Variants in ASXL1 observed in about 807,000 individuals in gnomAD.
ASXL1 encodes the protein ASXL transcriptional regulator 1.
In ASXL1, 65 loss-of-function variants were observed where a neutral mutation model predicts 89.1. That is an observed-to-expected ratio of 0.73 (90% CI 0.60 to 0.90). The LOEUF (loss-of-function observed/expected upper bound fraction) is 0.90, where lower values mean the gene tolerates loss of function less well. Ranked by LOEUF, ASXL1 falls within the 40% of genes least tolerant of loss-of-function variation. ASXL1 has a pLI of 0.00. For synonymous variants in ASXL1, 739 were observed against 746.9 expected (o/e 0.99, Z 0.17); for missense variants, 1,786 against 1,942.9 (o/e 0.92, Z 1.52).
rs143594461 is a variant in ASXL1, at chr20:32,366,459, G to C, written c.133G>C (p.Glu45Gln). ...LQVIEAEGLK[E>Q]MRSGTSPLAC... ...GGTCATAGAGGCAGAAGGACTAAAG[G>C]AAATGAGGTTTGTATTGTTCTTGTT... Residue 45 changes from glutamate (E) to glutamine (Q), a missense_variant, in exon 2 of 13, where the codon GAA (glutamate) becomes CAA (glutamine). By Grantham distance (29) the Glu-to-Gln change is conservative. Around this residue, in one of 3 missense-constraint regions of ASXL1, gnomAD observed 332 missense variants for 449.7 expected, o/e 0.74. Coordinates refer to ENST00000375687, the MANE Select transcript of ASXL1 (RefSeq NM_015338.6). The C allele has an allele frequency of 6.2e-7, 1 of 1,613,754 alleles. No homozygotes were observed. The highest frequency in any genetic ancestry group is 8.5e-7 in the Non-Finnish European group (1 of 1,179,778).
rs2048114082 is a variant in ASXL1 at position 32,361,685 on chromosome 20, T to C, written c.57+2853T>C. On this transcript the variant is annotated intron_variant, in intron 1 of 12. Coordinates refer to ENST00000375687, the MANE Select transcript of ASXL1 (RefSeq NM_015338.6). ...AAAAGGACTTGTTGAGAATGTGATA[T>C]GCAATTTGAGTATCTTGTGTGTGTT... Among the ~76,000 whole-genome samples the C allele has an allele frequency of 4.0e-5, 6 of 151,722 alleles. No individual in the cohort carries two copies. In the South Asian group the frequency reaches 1.2e-3, roughly 32 times the overall value.
At chr20:32,376,085 G>A (rs1227810823) in intron 4 of ASXL1, among the ~76,000 whole-genome samples, 1 of 152,152 alleles carries the variant, frequency 6.6e-6, no homozygotes, top group Admixed American at 6.6e-5. Flanking sequence ...ATGCCAGACA[G>A]TAGTCATGTC....
chr20:32,398,023 T>C (rs1475949266), intron 4 of ASXL1, among the ~76,000 whole-genome samples: 1 of 152,234 alleles, frequency 6.6e-6, no homozygotes, highest in Non-Finnish European at 1.5e-5. Flanking sequence ...TACGTATAGA[T>C]CGGTTCGTTT....
chr20:32,431,534 C>G (rs775465769), intron 9 of ASXL1, 49 bp from the exon 10 acceptor site: 3 of 1,614,052 alleles, frequency 1.9e-6, no homozygotes, highest in Admixed American at 1.7e-5. Context: ...GGCTTCTGTT[C>G]TCTTTTAAGT....
chr20:32,367,801 T>C, intron 3 of ASXL1, 72 bp downstream of exon 3: 1 of 778,978 alleles, frequency 1.3e-6, no homozygotes, highest in Middle Eastern at 2.3e-4. Flanking sequence ...CTTAGAGGAA[T>C]TATGAAGCAG....
chr20:32,401,559 CCCT>C (rs2048874968), intron 4 of ASXL1, among the ~76,000 whole-genome samples: 1 of 142,338 alleles, frequency 7.0e-6, no homozygotes, highest in African/African-American at 2.8e-5. Flanking sequence ...TTCCCCCCCC[CCCT>C]TTTTTTTTTT....
chr20:32,431,520 G>A (rs776873388), intron 9 of ASXL1, 36 bp downstream of exon 9: 1 of 1,613,960 alleles, frequency 6.2e-7, no homozygotes, highest in South Asian at 1.1e-5. Context: ...CCTCTCTCTG[G>A]GTGGGCTTCT....
Position 32,428,163 on chromosome 20 carries a change from A to G in ASXL1, c.288A>G (p.Thr96=). The change falls in exon 5 of 13, where the codon ACA becomes ACG. Residue 96 remains threonine (T), a synonymous_variant. Coordinates refer to ENST00000375687, the MANE Select transcript of ASXL1 (RefSeq NM_015338.6). ...DALQWSRHPA[T]VEGEEPEDTA... ...TGCAGTGGTCTCGCCATCCAGCTAC[A>G]GTGGAGGGAGAGGAGCCAGAGGACA... 6.2e-7 allele frequency: 1 copy of G among 1,613,942 alleles called. No homozygotes were observed. Among genetic ancestry groups the G allele is most frequent in the Non-Finnish European group, 8.5e-7 (1 of 1,180,018 alleles).
chr20:32,436,890 T>A lies in ASXL1; in HGVS notation c.4178T>A (p.Leu1393Gln). The A allele has an allele frequency of 6.2e-7, 1 of 1,614,228 alleles. No homozygotes were observed. The highest frequency in any genetic ancestry group is 1.1e-5 in the South Asian group (1 of 91,088). The change falls in exon 13 of 13, where the codon CTG (leucine) becomes CAG (glutamine). Residue 1393 changes from leucine to glutamine, a missense_variant. Leu to Gln is a moderately radical substitution (Grantham distance 113). Around this residue, in one of 3 missense-constraint regions of ASXL1, gnomAD observed 1,418 missense variants for 1,427.8 expected, o/e 0.99. Transcript: ENST00000375687. ...AGGAAAGCTACTGGGCATAGTCCCC[T>A]GGAACTGGTGGGTCACTTGGAAGGG... Reference protein sequence around the residue: ...ENRKATGHSPLELVGHLEGMP... With the variant: ...ENRKATGHSPQELVGHLEGMP...
chr20:32,373,143 G>A (rs903116587), intron 4 of ASXL1, among the ~76,000 whole-genome samples: 24 of 151,408 alleles, frequency 1.6e-4, no homozygotes, highest in Admixed American at 4.6e-4. Flanking sequence ...TTGGGAGGCC[G>A]AGGTGGGTGA....
At chr20:32,420,214 G>A (rs2049217519) in intron 4 of ASXL1, among the ~76,000 whole-genome samples, 1 of 152,006 alleles carries the variant, frequency 6.6e-6, no homozygotes, top group East Asian at 1.9e-4. Context: ...GTATACTGTT[G>A]AATGGTTGGT....
intron 1 of ASXL1, chr20:32,359,134 T>C: frequency 1.6e-6 from 1 of 623,768 alleles, no homozygotes; most frequent in Non-Finnish European, 2.9e-6. Flanking sequence ...CCGCGTCCCC[T>C]CCCCCACTAT....
intron 4 of ASXL1, among the ~76,000 whole-genome samples, chr20:32,402,717 A>G (rs746505448): frequency 1.1e-4 from 17 of 152,182 alleles, no homozygotes; most frequent in Admixed American, 2.0e-4. Flanking sequence ...ATGATGTTGA[A>G]TATCTTTTCA....
At chr20:32,378,844 T>C (rs1273893774) in intron 4 of ASXL1, among the ~76,000 whole-genome samples, 1 of 151,650 alleles carries the variant, frequency 6.6e-6, no homozygotes, top group Non-Finnish European at 1.5e-5. Context: ...TATAGTTAAA[T>C]AGGCCAGGCT....
chr20:32,397,615 G>C (rs1017073356), intron 4 of ASXL1, among the ~76,000 whole-genome samples: 1 of 151,992 alleles, frequency 6.6e-6, no homozygotes, highest in Non-Finnish European at 1.5e-5. Flanking sequence ...GGCCAGGCTG[G>C]TGAACTCCTG....
chr20:32,379,453 C>T (rs1016221904), intron 4 of ASXL1, among the ~76,000 whole-genome samples: 4 of 151,400 alleles, frequency 2.6e-5, no homozygotes, highest in African/African-American at 9.7e-5. Flanking sequence ...TGTGATCCAC[C>T]TGCCTTGGCC....
Position 32,436,991 on chromosome 20 carries a change from C to G in ASXL1, c.4279C>G (p.Pro1427Ala). 6.2e-7 allele frequency: 1 copy of G among 1,614,042 alleles called. No homozygotes were observed. Among genetic ancestry groups the G allele is most frequent in the Non-Finnish European group, 8.5e-7 (1 of 1,180,006 alleles). ...GAAGGGGCTCAGTGAGCCTCTGGAG[C>G]CTTCTTCTCTCCCCTCCCAACTCAG... ...PGKGLSEPLE[P>A]SSLPSQLSIK... The change falls in exon 13 of 13, where the codon CCT becomes GCT. Residue 1427 changes from proline to alanine, a missense_variant. Transcript: ENST00000375687.
rs894754780 is a variant in ASXL1 at position 32,435,520 on chromosome 20, C to A, written c.2808C>A (p.Thr936=). 1.2e-6 allele frequency: 2 copies of A among 1,613,986 alleles called. No individual in the cohort carries two copies. The highest frequency in any genetic ancestry group is 1.7e-6 in the Non-Finnish European group (2 of 1,180,018). The stretch of plus-strand genomic sequence containing the variant: ...AGGAGTGGGAGAAAGCTGCTCCCAC[C>A]CCTCCTGCATTGCCTGGGGATTTGA... ...VGEEWEKAAP[T]PPALPGDLTA... is the part of the protein sequence containing the mutation. Residue 936 remains threonine (T), a synonymous_variant, in exon 13 of 13, where the codon ACC becomes ACA. Transcript: ENST00000375687.
intron 4 of ASXL1, among the ~76,000 whole-genome samples, chr20:32,397,870 G>A (rs1465850604): frequency 6.6e-6 from 1 of 152,214 alleles, no homozygotes; most frequent in African/African-American, 2.4e-5. Flanking sequence ...AAGTGCCTTG[G>A]CTCACGCCTG....
Sources: gnomAD v4.1 joint callset for allele counts (sites outside exome capture counted in the v4.1 genomes callset) on GRCh38, gnomAD v4.1.1 for gene constraint, gnomAD v4.1.1 regional missense constraint, MANE v1.5 for transcripts, NCBI Gene and HGNC (gene_info 2026-07-23, HGNC 2026-07-21) for gene names.